The following TMEM178B variants were observed in gnomAD, a reference collection of about 807,000 sequenced individuals.
TMEM178B encodes the protein transmembrane protein 178B.
In TMEM178B, 5 loss-of-function variants were observed where a neutral mutation model predicts 31.0. The observed-to-expected ratio is 0.16, with a 90% CI of 0.08 to 0.34. TMEM178B has a LOEUF of 0.34. Among genes scored for constraint, TMEM178B ranks in the 10% least tolerant of loss-of-function variants. The probability of loss-of-function intolerance (pLI) is 1.00; values close to 1 mark genes in which losing one functional copy is unlikely to be tolerated. For missense variants in TMEM178B, 275 were observed against 400.3 expected (o/e 0.69, Z 2.67); for synonymous variants, 164 against 164.0 (o/e 1.00, Z 0.00).
chr7:141,091,314 A>G (rs1288970301), intron 1 of TMEM178B, among the ~76,000 whole-genome samples: 1 of 152,192 alleles, frequency 6.6e-6, no homozygotes, highest in African/African-American at 2.4e-5. Context: ...GGTTTCATAA[A>G]ATGGTGGGTA....
intron 1 of TMEM178B, among the ~76,000 whole-genome samples, chr7:141,159,805 G>T (rs1230808029): frequency 6.6e-6 from 1 of 151,964 alleles, no homozygotes; most frequent in Non-Finnish European, 1.5e-5. Flanking sequence ...GTCGTCAGGG[G>T]GTTGGGGGAT....
chr7:141,369,089 G>A (rs1204154857), intron 2 of TMEM178B, among the ~76,000 whole-genome samples: 1 of 151,976 alleles, frequency 6.6e-6, no homozygotes, highest in East Asian at 1.9e-4. Flanking sequence ...GCCATGGAAA[G>A]AAGTAAACAT....
At position 141,344,544 on chromosome 7, in the gene TMEM178B, T is replaced by C. The variant is rs978221789; in HGVS notation, c.497-93064T>C. 1.3e-5 allele frequency among the ~76,000 whole-genome samples: 2 copies of C among 150,198 alleles called. No homozygotes were observed. Among genetic ancestry groups the C allele is most frequent in the Non-Finnish European group, 3.0e-5 (2 of 67,668 alleles). On this transcript the variant is annotated intron_variant, in intron 2 of 3. Transcript: ENST00000565468. This position sits in a 1 kb window ranked among gnomAD's most constrained non-coding sequence, Gnocchi z 4.1. ...ACTTTTTAAAGCTGGGATTTTAGTTTCTCCCTCCCTCCCTCCATTCCTCCC... is the reference window on the plus strand; with the variant it reads ...ACTTTTTAAAGCTGGGATTTTAGTTCCTCCCTCCCTCCCTCCATTCCTCCC...
chr7:141,078,563 T>C (rs1391976656), intron 1 of TMEM178B, among the ~76,000 whole-genome samples: 1 of 152,208 alleles, frequency 6.6e-6, no homozygotes, highest in African/African-American at 2.4e-5. Flanking sequence ...ATTTGCATAG[T>C]CTGTTAGTGT....
intron 1 of TMEM178B, among the ~76,000 whole-genome samples, chr7:141,106,715 C>T (rs1319672646): frequency 6.6e-6 from 1 of 152,230 alleles, no homozygotes; most frequent in African/African-American, 2.4e-5. Context: ...CCCATCATCA[C>T]CATCTTCACT....
At chr7:141,376,415 A>G (rs979422304) in intron 2 of TMEM178B, among the ~76,000 whole-genome samples, 17 of 152,216 alleles carry the variant, frequency 1.1e-4, no homozygotes, top group Non-Finnish European at 2.1e-4. Flanking sequence ...ACATAACTCT[A>G]ATATAGGAAA....
intron 2 of TMEM178B, among the ~76,000 whole-genome samples, chr7:141,229,891 C>T (rs1452946307): frequency 5.3e-5 from 8 of 152,154 alleles, no homozygotes; most frequent in Admixed American, 5.2e-4. Flanking sequence ...ACACCAACAA[C>T]AAAAAGAGAC....
At position 141,474,894 on chromosome 7, in the gene TMEM178B, G is replaced by A. The variant is rs1268116166; in HGVS notation, c.*4108G>A. ...TTTAGAATGGACTCTCTCTTCACCT[G>A]GATTATGTGCTGAGTGTTAAGTGAT... On this transcript the variant is annotated 3_prime_UTR_variant, in exon 4 of 4. Coordinates refer to ENST00000565468, the MANE Select transcript of TMEM178B (RefSeq NM_001195278.2). The A allele has an allele frequency of 6.6e-6, 1 of 152,176 alleles. No individual in the cohort carries two copies. Among genetic ancestry groups the A allele is most frequent in the African/African-American group, 2.4e-5 (1 of 41,432 alleles). The allele number at this position is 152,176 out of a possible 1,614,324, so 9.4% of individuals were successfully genotyped here.
chr7:141,181,180 G>A (rs181765012), intron 1 of TMEM178B, among the ~76,000 whole-genome samples: 1 of 152,314 alleles, frequency 6.6e-6, no homozygotes, highest in Admixed American at 6.5e-5. Flanking sequence ...CAGAGACTAG[G>A]AACAAATGCA....
intron 1 of TMEM178B, among the ~76,000 whole-genome samples, chr7:141,146,561 T>C (rs1795855617): frequency 6.6e-6 from 1 of 152,190 alleles, no homozygotes; most frequent in Non-Finnish European, 1.5e-5. Flanking sequence ...GAGATTACTA[T>C]GAGGATTAAA....
At chr7:141,267,243 T>C (rs1215612911) in intron 2 of TMEM178B, among the ~76,000 whole-genome samples, 1 of 152,248 alleles carries the variant, frequency 6.6e-6, no homozygotes, top group Non-Finnish European at 1.5e-5. Context: ...ATTTCTATGG[T>C]TAATGGGTTT....
At chr7:141,387,726 A>G (rs543683111) in intron 2 of TMEM178B, among the ~76,000 whole-genome samples, 3 of 151,888 alleles carry the variant, frequency 2.0e-5, no homozygotes, top group Non-Finnish European at 4.4e-5. Flanking sequence ...CCACCTGCCC[A>G]CCTCCTGCTG....
chr7:141,247,861 T>A (rs1466310184), intron 2 of TMEM178B, among the ~76,000 whole-genome samples: 3 of 152,168 alleles, frequency 2.0e-5, no homozygotes, highest in African/African-American at 7.2e-5. Flanking sequence ...AAATTCAAAT[T>A]GAACTGAGTG....
chr7:141,366,216 G>A (rs1424829336), intron 2 of TMEM178B, among the ~76,000 whole-genome samples: 2 of 152,160 alleles, frequency 1.3e-5, no homozygotes, highest in African/African-American at 4.8e-5. Context: ...GATCCCTGGA[G>A]ACCAAAGAGC....
chr7:141,269,096 CT>C lies in TMEM178B; in HGVS notation c.496+56406del, dbSNP rs34014878. Among the ~76,000 whole-genome samples the C allele has an allele frequency of 1.6e-3, 230 of 140,324 alleles. 1 individual carries two copies. In the South Asian group the frequency reaches 0.017, roughly 10 times the overall value. The allele number at this position is 140,324 out of a possible 152,430, so 92.1% of individuals were successfully genotyped here. ...TTCTGTTTGTTTCCTAATTTTTTTT[CT>C]TTTTTTTTTTTTTGAGACATTCTCA... On this transcript the variant is annotated intron_variant, in intron 2 of 3. Coordinates refer to ENST00000565468, the MANE Select transcript of TMEM178B (RefSeq NM_001195278.2).
At chr7:141,089,092 A>C (rs976945760) in intron 1 of TMEM178B, among the ~76,000 whole-genome samples, 1 of 152,248 alleles carries the variant, frequency 6.6e-6, no homozygotes. Context: ...ATAGTTCCAA[A>C]ATGGTCTCAA....
At chr7:141,332,712 C>A (rs1440993763) in intron 2 of TMEM178B, among the ~76,000 whole-genome samples, 2 of 152,204 alleles carry the variant, frequency 1.3e-5, no homozygotes, top group African/African-American at 4.8e-5. Context: ...TTGTTTCCTG[C>A]CTGCAACTCT....
At chr7:141,469,693 C>A (rs116235065) in intron 3 of TMEM178B, among the ~76,000 whole-genome samples, 1,883 of 152,300 alleles carry the variant, frequency 0.012, 33 homozygotes, top group African/African-American at 0.043. Flanking sequence ...ATTTTAGGCA[C>A]ACCAAAAACT....
In TMEM178B at chr7:141,074,487, T is replaced by C. The variant is rs771869470; in HGVS notation, c.177T>C (p.Asn59=). The C allele has an allele frequency of 4.6e-5, 71 of 1,535,938 alleles. No homozygotes were observed. Among genetic ancestry groups the C allele is most frequent in the South Asian group, 1.8e-4 (15 of 84,058 alleles). ...RRVDPGFIYN[N]NNNLPLRASR... The stretch of plus-strand genomic sequence containing the variant: ...TCGACCCCGGCTTCATTTACAACAA[T>C]AACAACAACTTGCCGCTCCGGGCGA... Residue 59 remains asparagine, a synonymous_variant, in exon 1 of 4, where the codon AAT becomes AAC. Coordinates refer to ENST00000565468, the MANE Select transcript of TMEM178B (RefSeq NM_001195278.2). This position sits in a 1 kb window ranked among gnomAD's most constrained non-coding sequence, Gnocchi z 5.1.
Sources: allele counts gnomAD v4.1 joint callset (sites outside exome capture counted in the v4.1 genomes callset), GRCh38; gene constraint gnomAD v4.1.1; non-coding constraint Gnocchi (gnomAD v3.1); transcripts MANE v1.5; gene names NCBI Gene and HGNC (gene_info 2026-07-23, HGNC 2026-07-21).